Variants in HIVEP2 observed in about 807,000 individuals in gnomAD.
HIVEP2 encodes the protein transcription factor HIVEP2.
HIVEP2 carries 14 observed loss-of-function variants against 180.7 expected under a neutral mutation model. The ratio of observed to expected loss-of-function variants is 0.08; its 90% confidence interval spans 0.05 to 0.12. HIVEP2 has a LOEUF of 0.12. Among genes scored for constraint, HIVEP2 ranks in the 10% least tolerant of loss-of-function variants. HIVEP2 has a pLI of 1.00. For missense variants in HIVEP2, 2,579 were observed against 3,008.5 expected (o/e 0.86, Z 3.34); for synonymous variants, 1,184 against 1,136.4 (o/e 1.04, Z -0.84).
At chr6:142,828,544 C>A (rs910839157) in intron 2 of HIVEP2, among the ~76,000 whole-genome samples, 3 of 152,022 alleles carry the variant, frequency 2.0e-5, no homozygotes, top group African/African-American at 7.3e-5. Flanking sequence ...TCAAGCCATT[C>A]TCCTGCCTCA....
intron 2 of HIVEP2, among the ~76,000 whole-genome samples, chr6:142,797,702 AT>A (rs1446489593): frequency 1.3e-5 from 2 of 152,178 alleles, no homozygotes; most frequent in Non-Finnish European, 2.9e-5. Flanking sequence ...CACAACTTGT[AT>A]TACAATATAT....
chr6:142,932,166 C>T (rs1284787014), intron 1 of HIVEP2, among the ~76,000 whole-genome samples: 1 of 152,064 alleles, frequency 6.6e-6, no homozygotes, highest in Non-Finnish European at 1.5e-5. Flanking sequence ...ATTATAAAGT[C>T]CTGATGATGA....
intron 9 of HIVEP2, among the ~76,000 whole-genome samples, chr6:142,759,294 C>A (rs940349979): frequency 6.7e-6 from 1 of 149,944 alleles, no homozygotes; most frequent in Non-Finnish European, 1.5e-5. Flanking sequence ...AAGAGTGAGA[C>A]CCTGTCTCAA....
At position 142,760,619 on chromosome 6, in the gene HIVEP2, C is replaced by T. The variant is rs750758418; in HGVS notation, c.5669G>A (p.Ser1890Asn). 11 of 1,613,474 alleles carry T rather than the reference C, an allele frequency of 6.8e-6. No individual in the cohort carries two copies. In the East Asian group the frequency reaches 2.5e-4, roughly 36 times the overall value. The change falls in exon 9 of 10, where the codon AGC (serine) becomes AAC (asparagine). Residue 1890 changes from serine to asparagine, a missense_variant. Around this residue, in one of 11 missense-constraint regions of HIVEP2, gnomAD observed 660 missense variants for 731.7 expected, o/e 0.90. Coordinates refer to ENST00000367603, the MANE Select transcript of HIVEP2 (RefSeq NM_006734.4). ...HKAAEKHSMS[S>N]ISTDHQFSDA... ...GGAGAACTGATGATCAGTTGAAATG[C>T]TGGACATGCTATGCTTCTCTGCTGC...
chr6:142,772,301 G>A lies in HIVEP2; in HGVS notation c.2438C>T (p.Ser813Leu). Residue 813 changes from serine (S) to leucine (L), a missense_variant, in exon 5 of 10, where the codon TCA becomes TTA. By Grantham distance (145) the Ser-to-Leu change is moderately radical (BLOSUM62 -2). Coordinates refer to ENST00000367603, the MANE Select transcript of HIVEP2 (RefSeq NM_006734.4). The surrounding 1 kb of genome is among the most constrained non-coding windows in gnomAD (Gnocchi z 4.9). ...QHTNSLSRPN[S>L]FERSESAELV... ...TTCGGCTGACTCAGACCTTTCAAAT[G>A]AATTGGGTCGGCTCAGTGAGTTGGT... 6.2e-7 allele frequency: 1 copy of A among 1,614,212 alleles called. No individual in the cohort carries two copies. Among genetic ancestry groups the A allele is most frequent in the Non-Finnish European group, 8.5e-7 (1 of 1,180,040 alleles).
intron 1 of HIVEP2, among the ~76,000 whole-genome samples, chr6:142,856,883 C>T (rs1383971948): frequency 6.6e-6 from 1 of 152,172 alleles, no homozygotes; most frequent in East Asian, 1.9e-4. Context: ...GTGACTGGTC[C>T]GAGACCAACC....
intron 2 of HIVEP2, among the ~76,000 whole-genome samples, chr6:142,822,808 G>A (rs1159998022): frequency 6.6e-6 from 1 of 152,110 alleles, no homozygotes; most frequent in Non-Finnish European, 1.5e-5. Flanking sequence ...GGATAGAAGT[G>A]TCTTTCCTCA....
rs567136620 is a variant in HIVEP2, at chr6:142,798,099, A to C, written c.-527-14484T>G. ...CTTATGGTGGTGAGGAGAGAAAGTC[A>C]GGGATTTCTTTGGTCATTGCTACTA... On this transcript the variant is annotated intron_variant, in intron 2 of 9. Coordinates refer to ENST00000367603, the MANE Select transcript of HIVEP2 (RefSeq NM_006734.4). Among the ~76,000 whole-genome samples, 72 of 152,096 alleles carry C rather than the reference A, an allele frequency of 4.7e-4. 1 individual carries two copies. The highest frequency in any genetic ancestry group is 9.4e-4 in the Non-Finnish European group (64 of 68,000).
chr6:142,882,065 T>C (rs1021206860), intron 1 of HIVEP2, among the ~76,000 whole-genome samples: 8 of 152,186 alleles, frequency 5.3e-5, no homozygotes, highest in Non-Finnish European at 8.8e-5. Flanking sequence ...ACATCATATA[T>C]ACGAGGTCAG....
At position 142,935,970 on chromosome 6, in the gene HIVEP2, G is replaced by A. The variant is rs76345949; in HGVS notation, c.-641+9129C>T. Reference sequence around the variant, plus strand: ...ATAGGATGTGTCACAAAAATTAGCCGCGCATGGTGGTGCCAGCCTGCAGTC... The same window carrying A: ...ATAGGATGTGTCACAAAAATTAGCCACGCATGGTGGTGCCAGCCTGCAGTC... On this transcript the variant is annotated intron_variant, in intron 1 of 9. Transcript: ENST00000367603. Among the ~76,000 whole-genome samples, 1,491 of 151,856 alleles carry A rather than the reference G, an allele frequency of 9.8e-3. 22 individuals are homozygous for A. Among genetic ancestry groups the A allele is most frequent in the African/African-American group, 0.033 (1,352 of 41,412 alleles).
chr6:142,773,155 C>A lies in HIVEP2; in HGVS notation c.1584G>T (p.Pro528=). ...LYPANFQGSN[P]VLLEAPVDSS... ...AGTCTACAGGAGCTTCTAAGAGAAC[C>A]GGGTTGCTGCCTTGGAAGTTTGCTG... Residue 528 remains proline (P), a synonymous_variant, in exon 5 of 10, where the codon CCG becomes CCT. Coordinates refer to ENST00000367603, the MANE Select transcript of HIVEP2 (RefSeq NM_006734.4). 1.9e-6 allele frequency: 3 copies of A among 1,614,164 alleles called. No homozygotes were observed. The highest frequency in any genetic ancestry group is 1.1e-5 in the South Asian group (1 of 91,080).
intron 1 of HIVEP2, among the ~76,000 whole-genome samples, chr6:142,888,459 T>C (rs1776766046): frequency 6.6e-6 from 1 of 152,186 alleles, no homozygotes; most frequent in African/African-American, 2.4e-5. Flanking sequence ...TTAAAAAAAA[T>C]TACATCCTTA....
chr6:142,835,059 T>C (rs1028100081), intron 2 of HIVEP2, among the ~76,000 whole-genome samples: 2 of 152,160 alleles, frequency 1.3e-5, no homozygotes, highest in Admixed American at 1.3e-4. Context: ...ACGTGATAGA[T>C]GAAATATAAT....
At chr6:142,802,103 G>A (rs1776428509) in intron 2 of HIVEP2, among the ~76,000 whole-genome samples, 1 of 152,124 alleles carries the variant, frequency 6.6e-6, no homozygotes, top group Admixed American at 6.6e-5. Context: ...ATTCTCAATA[G>A]CAATCTAAAA....
intron 1 of HIVEP2, among the ~76,000 whole-genome samples, chr6:142,889,221 C>A (rs995955144): frequency 2.0e-5 from 3 of 152,056 alleles, no homozygotes. Flanking sequence ...ATCTGTAATT[C>A]CAGCATTTTG....
chr6:142,816,789 G>C (rs1359386974), intron 2 of HIVEP2, among the ~76,000 whole-genome samples: 1 of 152,152 alleles, frequency 6.6e-6, no homozygotes, highest in Non-Finnish European at 1.5e-5. Context: ...CTGCCAATGA[G>C]TTGTTCAAAT....
At chr6:142,849,409 T>C (rs1042912919) in intron 1 of HIVEP2, among the ~76,000 whole-genome samples, 7 of 152,174 alleles carry the variant, frequency 4.6e-5, no homozygotes, top group Admixed American at 6.5e-5. Context: ...AATGTCCAAG[T>C]AGACATTTGG....
intron 1 of HIVEP2, among the ~76,000 whole-genome samples, chr6:142,871,342 G>A (rs1027157879): frequency 6.6e-6 from 1 of 152,128 alleles, no homozygotes; most frequent in Non-Finnish European, 1.5e-5. Context: ...TAAGCCAAGC[G>A]TCAGAGTAAC....
At chr6:142,811,828 A>G (rs1435410997) in intron 2 of HIVEP2, among the ~76,000 whole-genome samples, 1 of 152,246 alleles carries the variant, frequency 6.6e-6, no homozygotes, top group African/African-American at 2.4e-5. Flanking sequence ...AATAAATCCA[A>G]AAGAGGTTCT....
Sources: allele counts gnomAD v4.1 joint callset (sites outside exome capture counted in the v4.1 genomes callset), GRCh38; gene constraint gnomAD v4.1.1; regional missense constraint gnomAD v4.1.1; non-coding constraint Gnocchi (gnomAD v3.1); transcripts MANE v1.5; gene names NCBI Gene and HGNC (gene_info 2026-07-23, HGNC 2026-07-21).